The following CORIN variants were observed in gnomAD, a reference collection of about 807,000 sequenced individuals.
The protein encoded by CORIN is atrial natriuretic peptide-converting enzyme.
In CORIN, 117 loss-of-function variants were observed where a neutral mutation model predicts 125.3. The observed-to-expected ratio is 0.93, with a 90% CI of 0.80 to 1.09. The LOEUF is 1.09. Ranked by LOEUF, CORIN falls within the 50% of genes least tolerant of loss-of-function variation. CORIN has a pLI of 0.00. For synonymous variants in CORIN, 450 were observed against 466.4 expected (o/e 0.96, Z 0.45); for missense variants, 1,253 against 1,306.7 (o/e 0.96, Z 0.63).
intron 5 of CORIN, among the ~76,000 whole-genome samples, chr4:47,696,214 A>G (rs1346073340): frequency 1.3e-5 from 2 of 152,210 alleles, no homozygotes; most frequent in Admixed American, 1.3e-4. Flanking sequence ...TCACTGTCTT[A>G]TAACAATCAT....
At chr4:47,827,273 A>G (rs1732783665) in intron 1 of CORIN, among the ~76,000 whole-genome samples, 1 of 152,200 alleles carries the variant, frequency 6.6e-6, no homozygotes, top group Non-Finnish European at 1.5e-5. Flanking sequence ...TCAATTCAAG[A>G]GAGATATTTT....
At chr4:47,755,161 C>A (rs10017737) in intron 4 of CORIN, among the ~76,000 whole-genome samples, 6,906 of 152,190 alleles carry the variant, frequency 0.045, 481 homozygotes, top group African/African-American at 0.15. Context: ...AGCAAACTCA[C>A]CATTTCCTGA....
At chr4:47,602,880 G>C (rs777332143) in intron 20 of CORIN, among the ~76,000 whole-genome samples, 6 of 152,088 alleles carry the variant, frequency 3.9e-5, no homozygotes, top group Admixed American at 3.9e-4. Context: ...TAGCTTTTGG[G>C]TCTGGGTACT....
intron 12 of CORIN, among the ~76,000 whole-genome samples, chr4:47,659,876 T>G (rs901562086): frequency 1.3e-5 from 2 of 152,066 alleles, no homozygotes; most frequent in Non-Finnish European, 2.9e-5. Context: ...CACAAAAGAC[T>G]CAGAACAGCC....
chr4:47,665,460 T>C (rs553788320), intron 10 of CORIN, among the ~76,000 whole-genome samples, 197 bp from the exon 11 acceptor site: 3 of 152,344 alleles, frequency 2.0e-5, no homozygotes, highest in Admixed American at 2.0e-4. Flanking sequence ...CTAAGATTCA[T>C]TTCTGTATAT....
chr4:47,749,879 G>A (rs556469955), intron 4 of CORIN, among the ~76,000 whole-genome samples: 3 of 152,244 alleles, frequency 2.0e-5, no homozygotes, highest in East Asian at 1.9e-4. Flanking sequence ...TTACTTAGTC[G>A]TGAAGAGAAT....
chr4:47,756,784 T>C (rs796937047), intron 4 of CORIN, among the ~76,000 whole-genome samples: 5 of 152,378 alleles, frequency 3.3e-5, no homozygotes, highest in African/African-American at 1.2e-4. Context: ...GAGCATGGAA[T>C]ATCTCTGCAA....
intron 16 of CORIN, among the ~76,000 whole-genome samples, chr4:47,631,027 C>T (rs1875823): frequency 0.26 from 39,595 of 151,760 alleles, 5,353 homozygotes; most frequent in Admixed American, 0.36. Context: ...GGAGGAGGGC[C>T]GGAGGGTGCC....
chr4:47,828,740 C>T (rs1732842794), intron 1 of CORIN, among the ~76,000 whole-genome samples: 2 of 152,126 alleles, frequency 1.3e-5, no homozygotes, highest in African/African-American at 4.8e-5. Flanking sequence ...CCATCTCACA[C>T]CATATAACCC....
At chr4:47,812,377 T>TG (rs1471260950) in intron 1 of CORIN, among the ~76,000 whole-genome samples, 1 of 152,108 alleles carries the variant, frequency 6.6e-6, no homozygotes, top group Non-Finnish European at 1.5e-5. Flanking sequence ...TGGTGGTTGT[T>TG]GCCTGTAGTC....
At chr4:47,789,978 C>T (rs1010306007) in intron 2 of CORIN, among the ~76,000 whole-genome samples, 6 of 152,072 alleles carry the variant, frequency 3.9e-5, no homozygotes, top group African/African-American at 1.4e-4. Flanking sequence ...GCTGAGATCG[C>T]GCCACTGCAC....
Position 47,828,428 on chromosome 4 carries a change from C to A in CORIN, c.63+9459G>T, listed in dbSNP as rs956523615. Among the ~76,000 whole-genome samples the A allele has an allele frequency of 3.4e-4, 52 of 152,144 alleles. 1 individual carries two copies. The highest frequency in any genetic ancestry group is 2.9e-5 in the Non-Finnish European group (2 of 68,034). On this transcript the variant is annotated intron_variant, in intron 1 of 21. Transcript: ENST00000273857. ...TTGAATTAATAACCACATACTCATG[C>A]CTGTGTGATGAACAAAATCTCCATA...
chr4:47,717,586 A>G (rs915666501), intron 5 of CORIN, among the ~76,000 whole-genome samples: 1 of 152,218 alleles, frequency 6.6e-6, no homozygotes, highest in African/African-American at 2.4e-5. Flanking sequence ...TAGGTTAAAT[A>G]TCCAACTGCT....
At chr4:47,694,459 T>TTGTGTG (rs147979858) in intron 5 of CORIN, among the ~76,000 whole-genome samples, 19,617 of 151,318 alleles carry the variant, frequency 0.13, 1,570 homozygotes, top group East Asian at 0.3. Flanking sequence ...CCACCAAAGC[T>TTGTGTG]TGTGTGTGTG....
chr4:47,838,020 C>G lies in CORIN; in HGVS notation c.-71G>C, dbSNP rs1234109266. 5.0e-6 allele frequency: 8 copies of G among 1,593,206 alleles called. No homozygotes were observed. In the East Asian group the frequency reaches 1.3e-4, roughly 27 times the overall value. Reference sequence around the variant, plus strand: ...GCTTTTCTCTCCTCTACGTGTCCCCCGGGGAGGCACTACGGATGATTTTCT... The same window carrying G: ...GCTTTTCTCTCCTCTACGTGTCCCCGGGGGAGGCACTACGGATGATTTTCT... On this transcript the variant is annotated 5_prime_UTR_variant, in exon 1 of 22. Coordinates refer to ENST00000273857, the MANE Select transcript of CORIN (RefSeq NM_006587.4).
chr4:47,645,043 TA>T, intron 14 of CORIN, 37 bp downstream of exon 14: 1 of 1,211,266 alleles, frequency 8.3e-7, no homozygotes, highest in Non-Finnish European at 1.2e-6. Flanking sequence ...GTGTTTAAAA[TA>T]AAAATGCTCT....
chr4:47,632,937 C>A (rs28515024), intron 16 of CORIN, among the ~76,000 whole-genome samples: 1 of 151,878 alleles, frequency 6.6e-6, no homozygotes, highest in African/African-American at 2.4e-5. Context: ...CATGCGACCA[C>A]GCCCGGCTAA....
At chr4:47,616,523 A>G (rs67707778) in intron 19 of CORIN, among the ~76,000 whole-genome samples, 13,275 of 152,236 alleles carry the variant, frequency 0.087, 651 homozygotes, top group African/African-American at 0.13. Flanking sequence ...GTTATTTTAG[A>G]AGAAAATGAA....
intron 5 of CORIN, among the ~76,000 whole-genome samples, chr4:47,701,370 C>T (rs1726285940): frequency 6.6e-6 from 1 of 152,170 alleles, no homozygotes; most frequent in Admixed American, 6.5e-5. Context: ...TGAAATAAAG[C>T]TATGCTTTGA....
Sources: gnomAD v4.1 joint callset for allele counts (sites outside exome capture counted in the v4.1 genomes callset) on GRCh38, gnomAD v4.1.1 for gene constraint, MANE v1.5 for transcripts, NCBI Gene and HGNC (gene_info 2026-07-23, HGNC 2026-07-21) for gene names.